NFIA: variants seen among roughly 807,000 people sequenced by gnomAD.
NFIA encodes nuclear factor 1 A-type.
Under a neutral mutation model 62.8 loss-of-function variants are expected in NFIA, and 8 were observed. The observed-to-expected ratio is 0.13, with a 90% CI of 0.07 to 0.23. NFIA has a LOEUF of 0.23. NFIA is among the 10% of genes least tolerant of loss of function. The pLI, the probability that NFIA is intolerant of heterozygous loss-of-function variation, is 1.00. For missense variants in NFIA, 410 were observed against 642.1 expected (o/e 0.64, Z 3.91); for synonymous variants, 235 against 238.1 (o/e 0.99, Z 0.12).
chr1:61,318,061 A>G (rs538192352), intron 3 of NFIA, among the ~76,000 whole-genome samples: 61 of 152,134 alleles, frequency 4.0e-4, no homozygotes, highest in Non-Finnish European at 8.4e-4. Flanking sequence ...ACATTTTGCC[A>G]TATAGATCCC....
rs189919540 is a variant in NFIA, at chr1:61,306,216, C to A, written c.626-26296C>A. On this transcript the variant is annotated intron_variant, in intron 3 of 10. Coordinates refer to ENST00000403491, the MANE Select transcript of NFIA (RefSeq NM_001134673.4). ...CTTCTCTCACTTCTCTGGTTCTCTA[C>A]CTGCCTACCTTTTAGCCATTTCACC... is the stretch of plus-strand genomic sequence containing the variant. Among the ~76,000 whole-genome samples, 58 of 150,612 alleles carry A rather than the reference C, an allele frequency of 3.9e-4. No homozygotes were observed. The East Asian group carries it at 6.5e-3, about 17-fold the overall frequency.
intron 2 of NFIA, among the ~76,000 whole-genome samples, chr1:61,115,924 C>T (rs766850665): frequency 7.9e-5 from 12 of 152,026 alleles, no homozygotes; most frequent in Non-Finnish European, 1.8e-4. Flanking sequence ...TGGTGAAGAC[C>T]ACAGTTCTCC....
At position 61,169,270 on chromosome 1, in the gene NFIA, G is replaced by A. The variant is rs969646823; in HGVS notation, c.559+80590G>A. 2.0e-5 allele frequency among the ~76,000 whole-genome samples: 3 copies of A among 152,228 alleles called. No homozygotes were observed. The South Asian group carries it at 6.2e-4, about 32-fold the overall frequency. ...GCTGTGTAACAAGCACAGAAGAGAG[G>A]ATTCTAAATATTTACTCCTTTTTCC... On this transcript the variant is annotated intron_variant, in intron 2 of 10. Transcript: ENST00000403491.
chr1:61,125,485 T>C (rs1021028969), intron 2 of NFIA, among the ~76,000 whole-genome samples: 2 of 152,212 alleles, frequency 1.3e-5, no homozygotes, highest in African/African-American at 4.8e-5. Context: ...CAAGGCTATC[T>C]GGAGAAGACC....
Position 61,267,657 on chromosome 1 carries a change from A to G in NFIA, c.560-9863A>G, listed in dbSNP as rs77142121. On this transcript the variant is annotated intron_variant, in intron 2 of 10. Transcript: ENST00000403491. Reference sequence around the variant, plus strand: ...ACCCTAACCACTACCACCGCCAGTTAGTATCAGGGCTGCTGTAAATTGTTC... The same window carrying G: ...ACCCTAACCACTACCACCGCCAGTTGGTATCAGGGCTGCTGTAAATTGTTC... 3.0e-4 allele frequency among the ~76,000 whole-genome samples: 45 copies of G among 152,332 alleles called. No homozygotes were observed. In the East Asian group the frequency reaches 8.5e-3, roughly 29 times the overall value.
intron 2 of NFIA, among the ~76,000 whole-genome samples, chr1:61,228,959 T>C (rs1454246287): frequency 6.6e-6 from 1 of 152,130 alleles, no homozygotes; most frequent in Non-Finnish European, 1.5e-5. Context: ...ATTTGTGCCT[T>C]TAAAGGTTAA....
chr1:61,249,353 G>A (rs1221411295), intron 2 of NFIA, among the ~76,000 whole-genome samples: 1 of 152,164 alleles, frequency 6.6e-6, no homozygotes, highest in African/African-American at 2.4e-5. Flanking sequence ...TTATAGTTAG[G>A]ACAAACAATG....
intron 9 of NFIA, among the ~76,000 whole-genome samples, chr1:61,425,566 G>C (rs1232474650): frequency 6.6e-6 from 1 of 152,118 alleles, no homozygotes; most frequent in Non-Finnish European, 1.5e-5. Context: ...GGAAGAATGT[G>C]AACAAATCCT....
intron 2 of NFIA, among the ~76,000 whole-genome samples, chr1:61,200,010 G>GTATATATATATATA (rs60422302): frequency 1.9e-5 from 1 of 52,828 alleles, no homozygotes; most frequent in Non-Finnish European, 3.9e-5. Flanking sequence ...ATATATATAT[G>GTATATATATATATA]TATATATATA....
intron 3 of NFIA, among the ~76,000 whole-genome samples, chr1:61,309,754 TG>T (rs1659997440): frequency 2.0e-5 from 3 of 152,146 alleles, no homozygotes; most frequent in Non-Finnish European, 4.4e-5. Flanking sequence ...CTGGGTGTGG[TG>T]GCATGCACCT....
At chr1:61,338,654 A>G (rs997805973) in intron 4 of NFIA, among the ~76,000 whole-genome samples, 10 of 152,232 alleles carry the variant, frequency 6.6e-5, no homozygotes, top group Non-Finnish European at 1.0e-4. Flanking sequence ...GCACAACAAG[A>G]AAACGAAACT....
chr1:61,359,352 A>T, intron 6 of NFIA, 78 bp downstream of exon 6: 1 of 1,593,524 alleles, frequency 6.3e-7, no homozygotes, highest in Non-Finnish European at 8.6e-7. Context: ...GCCACGCATA[A>T]AAGTGAAGAA....
intron 3 of NFIA, among the ~76,000 whole-genome samples, chr1:61,311,736 C>T (rs769126612): frequency 1.1e-4 from 17 of 152,148 alleles, no homozygotes; most frequent in Non-Finnish European, 1.8e-4. Context: ...AACAAAATTT[C>T]TATATGTTGT....
intron 2 of NFIA, among the ~76,000 whole-genome samples, chr1:61,266,843 G>T (rs1327372442): frequency 1.3e-5 from 2 of 152,160 alleles, no homozygotes; most frequent in East Asian, 3.8e-4. Flanking sequence ...CAGTCTATAT[G>T]CTTTAGAAAA....
chr1:61,342,298 A>G (rs750024731), intron 4 of NFIA, among the ~76,000 whole-genome samples: 6 of 151,886 alleles, frequency 4.0e-5, no homozygotes, highest in Non-Finnish European at 8.8e-5. Context: ...CCAGTGCACT[A>G]TTGGTTGTGG....
chr1:61,386,844 G>C (rs1664712831), intron 7 of NFIA, among the ~76,000 whole-genome samples: 1 of 152,212 alleles, frequency 6.6e-6, no homozygotes, highest in African/African-American at 2.4e-5. Flanking sequence ...CAACAGAAAT[G>C]TATTGCTCAC....
intron 2 of NFIA, among the ~76,000 whole-genome samples, chr1:61,257,311 T>C (rs1326283980): frequency 1.3e-5 from 2 of 150,924 alleles, no homozygotes; most frequent in Non-Finnish European, 1.5e-5. Flanking sequence ...TTTTGTTTTT[T>C]ATATTTTTTA....
At chr1:61,218,202 T>G (rs1653767924) in intron 2 of NFIA, among the ~76,000 whole-genome samples, 1 of 152,222 alleles carries the variant, frequency 6.6e-6, no homozygotes. Context: ...TTGTAAGGCG[T>G]TGCTGATTCT....
At chr1:61,301,309 G>A (rs1264417753) in intron 3 of NFIA, among the ~76,000 whole-genome samples, 3 of 152,160 alleles carry the variant, frequency 2.0e-5, no homozygotes, top group Non-Finnish European at 4.4e-5. Flanking sequence ...ATCCATGAAA[G>A]TAACTTGCTG....
Sources: allele counts gnomAD v4.1 joint callset (sites outside exome capture counted in the v4.1 genomes callset), GRCh38; gene constraint gnomAD v4.1.1; transcripts MANE v1.5; gene names NCBI Gene and HGNC (gene_info 2026-07-23, HGNC 2026-07-21).